HIVEP2: variants seen among roughly 807,000 people sequenced by gnomAD.
The protein encoded by HIVEP2 is transcription factor HIVEP2.
A neutral mutation model predicts 180.7 loss-of-function variants in HIVEP2; 14 were observed. That is an observed-to-expected ratio of 0.08 (90% CI 0.05 to 0.12). HIVEP2 has a LOEUF of 0.12. Among genes scored for constraint, HIVEP2 ranks in the 10% least tolerant of loss-of-function variants. HIVEP2 has a pLI of 1.00. For synonymous variants in HIVEP2, 1,184 were observed against 1,136.4 expected (o/e 1.04, Z -0.84); for missense variants, 2,579 against 3,008.5 (o/e 0.86, Z 3.34).
Position 142,812,335 on chromosome 6 carries a change from G to A in HIVEP2, c.-528+24600C>T, listed in dbSNP as rs186460283. 1.1e-3 allele frequency among the ~76,000 whole-genome samples: 163 copies of A among 152,262 alleles called. 1 individual carries two copies. Among genetic ancestry groups the A allele is most frequent in the Non-Finnish European group, 2.0e-3 (134 of 68,020 alleles). ...GCCGCCAGCTCTGTTCCCAACAGCC[G>A]GAGGGGAAAATCCCATAATTTATGG... On this transcript the variant is annotated intron_variant, in intron 2 of 9. Transcript: ENST00000367603.
chr6:142,772,033 C>T lies in HIVEP2; in HGVS notation c.2706G>A (p.Lys902=). The T allele has an allele frequency of 3.1e-6, 5 of 1,614,216 alleles. No homozygotes were observed. Among genetic ancestry groups the T allele is most frequent in the Middle Eastern group, 3.3e-4 (2 of 6,062 alleles). The change falls in exon 5 of 10, where the codon AAG becomes AAA. Residue 902 remains lysine, a synonymous_variant. Coordinates refer to ENST00000367603, the MANE Select transcript of HIVEP2 (RefSeq NM_006734.4). This position sits in a 1 kb window ranked among gnomAD's most constrained non-coding sequence, Gnocchi z 4.9. ...GCTCTTTGCTCTGGGCTTCCTTCTC[C>T]TTCTCAGGTTTATCAGGCTCCTCGG... ...RVTEEPDKPE[K]EKEAQSKEPE... is the part of the protein sequence containing the mutation.
chr6:142,778,163 T>A (rs1775753717), intron 3 of HIVEP2, among the ~76,000 whole-genome samples: 1 of 152,248 alleles, frequency 6.6e-6, no homozygotes, highest in Admixed American at 6.5e-5. Flanking sequence ...AGTTTTGCTA[T>A]TGGATTTAAT....
chr6:142,778,274 TG>T (rs1457797606), intron 3 of HIVEP2, among the ~76,000 whole-genome samples: 2 of 152,204 alleles, frequency 1.3e-5, no homozygotes, highest in African/African-American at 2.4e-5. Flanking sequence ...CAAATTTCCT[TG>T]TGTCAATTCC....
chr6:142,811,858 A>G (rs1357328131), intron 2 of HIVEP2, among the ~76,000 whole-genome samples: 1 of 152,244 alleles, frequency 6.6e-6, no homozygotes, highest in African/African-American at 2.4e-5. Context: ...TCAGATGAAC[A>G]TGGAGTAGCT....
At chr6:142,757,683 A>T (rs191742529) in intron 9 of HIVEP2, among the ~76,000 whole-genome samples, 1 of 152,296 alleles carries the variant, frequency 6.6e-6, no homozygotes, top group African/African-American at 2.4e-5. Context: ...CCATGATCAG[A>T]TATTTAAAAA....
At chr6:142,887,308 AAAG>A (rs1226503669) in intron 1 of HIVEP2, among the ~76,000 whole-genome samples, 2 of 152,222 alleles carry the variant, frequency 1.3e-5, no homozygotes, top group African/African-American at 4.8e-5. Context: ...CCTATTTGCC[AAAG>A]AAGAAAGAAT....
intron 2 of HIVEP2, among the ~76,000 whole-genome samples, chr6:142,825,047 TGTAGCAA>T (rs1393535804): frequency 2.0e-5 from 3 of 152,194 alleles, no homozygotes; most frequent in Admixed American, 2.0e-4. Context: ...GGACAAATCT[TGTAGCAA>T]GTTTTTTTCT....
chr6:142,855,194 C>T (rs976944097), intron 1 of HIVEP2, among the ~76,000 whole-genome samples: 9 of 152,204 alleles, frequency 5.9e-5, no homozygotes, highest in African/African-American at 1.2e-4. Context: ...GAACCACCCA[C>T]GTGGTAAGTT....
At chr6:142,763,625 G>T (rs976370231) in intron 7 of HIVEP2, among the ~76,000 whole-genome samples, 1 of 152,188 alleles carries the variant, frequency 6.6e-6, no homozygotes, top group African/African-American at 2.4e-5. Context: ...GTGAAGATAT[G>T]TATCATTCGT....
rs1412163907 is a variant in HIVEP2 at position 142,813,330 on chromosome 6, TCTGA to T, written c.-528+23601_-528+23604del. 2.0e-5 allele frequency among the ~76,000 whole-genome samples: 3 copies of T among 152,290 alleles called. No individual in the cohort carries two copies. In the East Asian group the frequency reaches 5.8e-4, roughly 29 times the overall value. On this transcript the variant is annotated intron_variant, in intron 2 of 9. Coordinates refer to ENST00000367603, the MANE Select transcript of HIVEP2 (RefSeq NM_006734.4). ...TATTCTTTGTTTTTCTGATCTAGTTTCTGACTATCTTTTGTTTCACCTATGTCTC... is the reference window on the plus strand; with the variant it reads ...TATTCTTTGTTTTTCTGATCTAGTTTCTATCTTTTGTTTCACCTATGTCTC...
At chr6:142,909,367 C>T (rs1572225) in intron 1 of HIVEP2, among the ~76,000 whole-genome samples, 13,631 of 152,052 alleles carry the variant, frequency 0.09, 960 homozygotes, top group East Asian at 0.24. Flanking sequence ...TATACATTGG[C>T]AGATGATTCA....
intron 1 of HIVEP2, among the ~76,000 whole-genome samples, chr6:142,917,673 T>TC (rs1430055179): frequency 1.3e-5 from 2 of 152,198 alleles, no homozygotes; most frequent in Non-Finnish European, 2.9e-5. Flanking sequence ...GCAAAGCTAA[T>TC]CCATATCCCA....
chr6:142,759,662 C>A, intron 9 of HIVEP2, 110 bp downstream of exon 9: 1 of 842,624 alleles, frequency 1.2e-6, no homozygotes, highest in Non-Finnish European at 1.9e-6. Context: ...GCCAGATTCA[C>A]TCCACCCATG....
At position 142,933,318 on chromosome 6, in the gene HIVEP2, T is replaced by A. The variant is rs555712888; in HGVS notation, c.-641+11781A>T. ...CATACTGTAAAACTTTGAAATGAAA[T>A]TTAAACCAAATTGGTTTGGCTCAAA... On this transcript the variant is annotated intron_variant, in intron 1 of 9. Coordinates refer to ENST00000367603, the MANE Select transcript of HIVEP2 (RefSeq NM_006734.4). 2.6e-5 allele frequency among the ~76,000 whole-genome samples: 4 copies of A among 152,348 alleles called. No individual in the cohort carries two copies. The South Asian group carries it at 6.2e-4, about 24-fold the overall frequency.
intron 1 of HIVEP2, among the ~76,000 whole-genome samples, chr6:142,875,377 T>C (rs966799936): frequency 6.6e-6 from 1 of 152,136 alleles, no homozygotes; most frequent in Admixed American, 6.6e-5. Context: ...CAGAGCCCTA[T>C]GGGACATGGT....
At position 142,772,562 on chromosome 6, in the gene HIVEP2, G is replaced by A. The variant is rs754278327; in HGVS notation, c.2177C>T (p.Ser726Phe). The change falls in exon 5 of 10, where the codon TCC becomes TTC. Residue 726 changes from serine (S) to phenylalanine (F), a missense_variant. This residue lies in a region of HIVEP2 where 524 missense variants were observed against 563.6 expected (regional missense o/e 0.93). Transcript: ENST00000367603. The surrounding 1 kb of genome is among the most constrained non-coding windows in gnomAD (Gnocchi z 4.9). ...CATCTGCAGTTTGGGGTCATAATCG[G>A]AAGCCATGATGCCCACAGGAGTGCT... ...IVSTPVGIMA[S>F]DYDPKLQMQE... The A allele has an allele frequency of 2.5e-6, 4 of 1,614,176 alleles. No homozygotes were observed. The South Asian group carries it at 3.3e-5, about 13-fold the overall frequency.
chr6:142,779,355 C>T (rs1019850544), intron 3 of HIVEP2, among the ~76,000 whole-genome samples: 10 of 152,318 alleles, frequency 6.6e-5, no homozygotes, highest in African/African-American at 2.4e-4. Context: ...CATGGTGGCT[C>T]ATGCCTGTAA....
At chr6:142,938,220 C>T (rs1020633902) in intron 1 of HIVEP2, among the ~76,000 whole-genome samples, 1 of 152,172 alleles carries the variant, frequency 6.6e-6, no homozygotes, top group African/African-American at 2.4e-5. Context: ...CTCCCACCCC[C>T]ACTCCTGCTA....
rs796733546 is a variant in HIVEP2 at position 142,904,137 on chromosome 6, C to T, written c.-641+40962G>A. Among the ~76,000 whole-genome samples the T allele has an allele frequency of 5.9e-5, 9 of 152,254 alleles. No homozygotes were observed. The South Asian group carries it at 1.9e-3, about 32-fold the overall frequency. ...CATTTTTAGACTTAAAAACCCAATT[C>T]AGCCTGTCTGAATTTCAACTCGTAT... On this transcript the variant is annotated intron_variant, in intron 1 of 9. Transcript: ENST00000367603.
Sources: allele counts gnomAD v4.1 joint callset (sites outside exome capture counted in the v4.1 genomes callset), GRCh38; gene constraint gnomAD v4.1.1; regional missense constraint gnomAD v4.1.1; non-coding constraint Gnocchi (gnomAD v3.1); transcripts MANE v1.5; gene names NCBI Gene and HGNC (gene_info 2026-07-23, HGNC 2026-07-21).